FGF12: variants seen among roughly 807,000 people sequenced by gnomAD.
FGF12 encodes fibroblast growth factor 12.
FGF12 carries 14 observed loss-of-function variants against 23.6 expected under a neutral mutation model. The observed-to-expected ratio is 0.59, with a 90% CI of 0.39 to 0.93. The LOEUF is 0.93. Among genes scored for constraint, FGF12 ranks in the 40% least tolerant of loss-of-function variants. The probability of loss-of-function intolerance (pLI) is 0.00; values close to 1 mark genes in which losing one functional copy is unlikely to be tolerated. For missense variants in FGF12, 175 were observed against 217.8 expected (o/e 0.80, Z 1.24); for synonymous variants, 62 against 77.3 (o/e 0.80, Z 1.04).
intron 2 of FGF12, among the ~76,000 whole-genome samples, chr3:192,700,740 G>C (rs1319637417): frequency 6.6e-6 from 1 of 152,128 alleles, no homozygotes; most frequent in African/African-American, 2.4e-5. Flanking sequence ...GATGGGAAGA[G>C]GGGGGTCGGA....
chr3:192,453,461 T>A (rs549881256), intron 2 of FGF12, among the ~76,000 whole-genome samples: 2 of 152,174 alleles, frequency 1.3e-5, no homozygotes, highest in Admixed American at 6.6e-5. Context: ...AAAAAAAAAA[T>A]TTGGAGAGTT....
intron 4 of FGF12, among the ~76,000 whole-genome samples, chr3:192,227,896 A>G (rs1489208961): frequency 6.6e-6 from 1 of 152,134 alleles, no homozygotes; most frequent in Non-Finnish European, 1.5e-5. Flanking sequence ...TTTTCAAAAC[A>G]AAAAAATGTT....
intron 2 of FGF12, among the ~76,000 whole-genome samples, chr3:192,503,665 G>A (rs1446805823): frequency 1.4e-5 from 2 of 144,808 alleles, no homozygotes; most frequent in Non-Finnish European, 3.0e-5. Context: ...GAGTGCAATG[G>A]CGCAATCTCG....
chr3:192,146,268 GTA>G (rs761713533), intron 5 of FGF12, among the ~76,000 whole-genome samples: 2 of 66,484 alleles, frequency 3.0e-5, no homozygotes, highest in Non-Finnish European at 4.2e-5. Context: ...TCATTAAAGT[GTA>G]TATTTTTTTT....
Position 192,408,932 on chromosome 3 carries a change from G to A in FGF12, c.14-48394C>T. The A allele has an allele frequency of 2.0e-6, 2 of 985,340 alleles. No individual in the cohort carries two copies. Among genetic ancestry groups the A allele is most frequent in the Non-Finnish European group, 2.4e-6 (2 of 829,978 alleles). 61.0% of individuals were successfully genotyped at this position (985,340 alleles called of 1,614,324 possible). A position where few individuals can be genotyped will look rare whatever the true frequency, so the allele number is the denominator to read the frequency against. On this transcript the variant is annotated intron_variant, in intron 2 of 5. Transcript: ENST00000445105. This position sits in a 1 kb window ranked among gnomAD's most constrained non-coding sequence, Gnocchi z 7.3. ...GCGGCTTTCCAGGGGCCGGCCACCC[G>A]AGTTCTGGAATTCCGAGAGGCGCGA...
chr3:192,685,740 A>G (rs1281685540), intron 2 of FGF12, among the ~76,000 whole-genome samples: 25 of 152,184 alleles, frequency 1.6e-4, no homozygotes, highest in Admixed American at 1.6e-3. Flanking sequence ...TATTTGAGAA[A>G]AATAATAATA....
chr3:192,464,100 G>A (rs557736608), intron 2 of FGF12, among the ~76,000 whole-genome samples: 3 of 152,274 alleles, frequency 2.0e-5, no homozygotes, highest in Non-Finnish European at 4.4e-5. Context: ...ACTGCTCAGG[G>A]TGGGGCCCAG....
rs1724772720 is a variant in FGF12, at chr3:192,519,854, G to GTTATTT, written c.14-159317_14-159316insAAATAA. On this transcript the variant is annotated intron_variant, in intron 2 of 5. Coordinates refer to ENST00000445105, the MANE Select transcript of FGF12 (RefSeq NM_004113.6). ...ATCCAATACTATCATTATTTATTTT[G>GTTATTT]TGGCTAAAATTGTTCTGGCTTTAGC... Among the ~76,000 whole-genome samples, 10 of 152,262 alleles carry GTTATTT rather than the reference G, an allele frequency of 6.6e-5. No individual in the cohort carries two copies. The South Asian group carries it at 2.1e-3, about 32-fold the overall frequency.
rs73064592 is a variant in FGF12 at position 192,288,217 on chromosome 3, T to C, written c.228+47144A>G. Among the ~76,000 whole-genome samples the C allele has an allele frequency of 4.1e-3, 622 of 152,192 alleles. 6 individuals are homozygous for C. Among genetic ancestry groups the C allele is most frequent in the African/African-American group, 0.014 (585 of 41,564 alleles). ...TACTCTGTGTGACAAAGATGCGTCATTCACAAAATACAAACAATTACCTAA... is the reference window on the plus strand; with the variant it reads ...TACTCTGTGTGACAAAGATGCGTCACTCACAAAATACAAACAATTACCTAA... On this transcript the variant is annotated intron_variant, in intron 4 of 5. Transcript: ENST00000445105.
At chr3:192,714,739 C>T (rs1418780541) in intron 2 of FGF12, among the ~76,000 whole-genome samples, 1 of 151,930 alleles carries the variant, frequency 6.6e-6, no homozygotes, top group Non-Finnish European at 1.5e-5. Context: ...GGGATGGTCT[C>T]GATCTCCTGA....
chr3:192,536,882 C>T (rs1022433606), intron 2 of FGF12, among the ~76,000 whole-genome samples: 5 of 151,968 alleles, frequency 3.3e-5, no homozygotes, highest in East Asian at 1.9e-4. Context: ...ATTCTGCTAT[C>T]GAATACTAGA....
At chr3:192,372,014 T>C (rs1397798176) in intron 2 of FGF12, among the ~76,000 whole-genome samples, 2 of 152,182 alleles carry the variant, frequency 1.3e-5, no homozygotes, top group Non-Finnish European at 2.9e-5. Context: ...ACATAGCTTT[T>C]GGCCTCCTGT....
intron 2 of FGF12, among the ~76,000 whole-genome samples, chr3:192,398,215 G>A (rs1720606421): frequency 6.6e-6 from 1 of 152,168 alleles, no homozygotes; most frequent in Non-Finnish European, 1.5e-5. Context: ...ACCATGGGAT[G>A]CAGTTAGGAA....
At chr3:192,590,363 T>C (rs764664696) in intron 2 of FGF12, among the ~76,000 whole-genome samples, 1 of 151,968 alleles carries the variant, frequency 6.6e-6, no homozygotes, top group Non-Finnish European at 1.5e-5. Flanking sequence ...TCAGAAAACA[T>C]ACATAGTTCT....
intron 2 of FGF12, among the ~76,000 whole-genome samples, chr3:192,610,068 T>C (rs1295625048): frequency 6.6e-6 from 1 of 152,086 alleles, no homozygotes; most frequent in Admixed American, 6.6e-5. Flanking sequence ...TCCAATTTAT[T>C]GTGACAATTG....
intron 4 of FGF12, among the ~76,000 whole-genome samples, chr3:192,189,043 G>A (rs1198101622): frequency 6.6e-6 from 1 of 152,212 alleles, no homozygotes; most frequent in Admixed American, 6.5e-5. Context: ...TGCTAACACA[G>A]ATTTAGGGGA....
At chr3:192,693,987 A>C (rs1718026446) in intron 2 of FGF12, among the ~76,000 whole-genome samples, 1 of 152,180 alleles carries the variant, frequency 6.6e-6, no homozygotes, top group African/African-American at 2.4e-5. Context: ...TTGGGAGAAA[A>C]TATTTGTGAA....
chr3:192,326,853 C>T (rs1240586606), intron 4 of FGF12, among the ~76,000 whole-genome samples: 2 of 152,102 alleles, frequency 1.3e-5, no homozygotes, highest in Non-Finnish European at 1.5e-5. Flanking sequence ...GCTGAGTGAC[C>T]TCATTTTAGT....
intron 4 of FGF12, among the ~76,000 whole-genome samples, chr3:192,203,566 C>CT (rs3071810): frequency 0.16 from 20,852 of 130,310 alleles, 1,978 homozygotes; most frequent in South Asian, 0.25. Flanking sequence ...TTTTTCTTTA[C>CT]TTTTTTTTTT....
Sources: allele counts gnomAD v4.1 joint callset (sites outside exome capture counted in the v4.1 genomes callset), GRCh38; gene constraint gnomAD v4.1.1; non-coding constraint Gnocchi (gnomAD v3.1); transcripts MANE v1.5; gene names NCBI Gene and HGNC (gene_info 2026-07-23, HGNC 2026-07-21).